The following ZNF717 variants were observed in gnomAD, a reference collection of about 807,000 sequenced individuals.
ZNF717 encodes zinc finger protein 717.
A neutral mutation model predicts 13.8 loss-of-function variants in ZNF717; 9 were observed. The observed-to-expected ratio is 0.65, with a 90% CI of 0.39 to 1.14. The LOEUF is 1.14. Among genes scored for constraint, ZNF717 ranks in the 50% most tolerant of loss-of-function variants. ZNF717 has a pLI of 0.01. For synonymous variants in ZNF717, 327 were observed against 364.1 expected (o/e 0.90, Z 1.16); for missense variants, 1,040 against 1,080.7 (o/e 0.96, Z 0.53).
At chr3:75,696,087 A>G (rs1446209569) in intron 6 of ZNF717, among the ~76,000 whole-genome samples, 3 of 152,258 alleles carry the variant, frequency 2.0e-5, no homozygotes, top group Non-Finnish European at 2.9e-5. Flanking sequence ...ACTGAAAAAC[A>G]GAGAAGATAC....
chr3:75,730,910 T>C (rs1306420216), downstream of ZNF717, among the ~76,000 whole-genome samples: 2 of 152,376 alleles, frequency 1.3e-5, no homozygotes, highest in East Asian at 3.9e-4. Context: ...AGATAAGTCT[T>C]AGAAACAGAT....
chr3:75,706,756 G>A (rs1937810890), downstream of ZNF717, among the ~76,000 whole-genome samples: 1 of 152,310 alleles, frequency 6.6e-6, no homozygotes, highest in African/African-American at 2.4e-5. Context: ...GGAGACTCAG[G>A]TGACTCTTGA....
In ZNF717 at chr3:75,736,277, A is replaced by T. The variant is rs1939192751; in HGVS notation, c.*601T>A. The T allele has an allele frequency of 6.6e-6, 1 of 152,662 alleles. No homozygotes were observed. The highest frequency in any genetic ancestry group is 1.5e-5 in the Non-Finnish European group (1 of 68,378). The allele number at this position is 152,662 out of a possible 1,614,324, so 9.5% of individuals were successfully genotyped here. A position where few individuals can be genotyped will look rare whatever the true frequency, so the allele number is the denominator to read the frequency against. ...AGTGGCCACCATGTGTTCAATTGAA[A>T]AGAAGTGTGCACACCTGTCACTTCA... On this transcript the variant is annotated 3_prime_UTR_variant, in exon 5 of 5. Transcript: ENST00000652011.
intron 2 of ZNF717, among the ~76,000 whole-genome samples, chr3:75,781,625 G>T (rs1357017985): frequency 4.6e-5 from 7 of 152,038 alleles, no homozygotes; most frequent in Admixed American, 1.3e-4. Flanking sequence ...AACTCCATTT[G>T]GCTCCTTCAT....
chr3:75,701,430 G>A (rs1314933880), intron 6 of ZNF717, among the ~76,000 whole-genome samples: 1 of 152,384 alleles, frequency 6.6e-6, no homozygotes, highest in Admixed American at 6.5e-5. Flanking sequence ...CACCATTTTG[G>A]GAAGCCGAGG....
At chr3:75,712,007 A>G (rs1235662431) in intron 5 of ZNF717, among the ~76,000 whole-genome samples, 1 of 152,284 alleles carries the variant, frequency 6.6e-6, no homozygotes, top group East Asian at 1.9e-4. Flanking sequence ...ATTAATTTCA[A>G]GTTATGTTGG....
At chr3:75,783,267 A>G (rs1486632695) in intron 2 of ZNF717, 39 bp downstream of exon 2, 3 of 1,472,344 alleles carry the variant, frequency 2.0e-6, no homozygotes, top group Non-Finnish European at 2.8e-6. Context: ...CTCAGAAAAT[A>G]CAGTGTAAAA....
chr3:75,755,923 C>T (rs1470191957), intron 2 of ZNF717, among the ~76,000 whole-genome samples: 1 of 152,212 alleles, frequency 6.6e-6, no homozygotes, highest in Non-Finnish European at 1.5e-5. Flanking sequence ...ATGAATGTAC[C>T]AATTCAAAGA....
In ZNF717 at chr3:75,738,283, CCT is replaced by C. The variant is rs761584387; in HGVS notation, c.1338_1339del (p.Glu448LysfsTer4). 2,031 of 1,552,676 alleles carry C rather than the reference CCT, an allele frequency of 1.3e-3. 7 individuals are homozygous for C. Among genetic ancestry groups the C allele is most frequent in the East Asian group, 5.3e-3 (218 of 40,958 alleles). On this transcript the variant is annotated frameshift_variant, in exon 5 of 5. Transcript: ENST00000652011. LOFTEE classifies it low-confidence loss of function (END_TRUNC). ...CTCATTACATTCATACGGTTTTTCC[CCT>C]GTGTGTGTTCTCTGATGGACAGTAA...
chr3:75,711,541 G>T (rs73114905), intron 5 of ZNF717, among the ~76,000 whole-genome samples: 7 of 145,730 alleles, frequency 4.8e-5, no homozygotes, highest in African/African-American at 1.7e-4. Context: ...CACATCTGCA[G>T]TCCCAGCACT....
chr3:75,706,812 T>A, downstream of ZNF717, among the ~76,000 whole-genome samples: 1 of 152,424 alleles, frequency 6.6e-6, no homozygotes, highest in South Asian at 2.1e-4. Context: ...TGGGAGCAGA[T>A]GACTCTGTCC....
At chr3:75,700,368 AG>A (rs201438536) in intron 6 of ZNF717, among the ~76,000 whole-genome samples, 16,160 of 99,848 alleles carry the variant, frequency 0.16, no homozygotes, top group Non-Finnish European at 0.23. Flanking sequence ...ACTCCAGTCT[AG>A]GTGACAGAGT....
Position 75,730,533 on chromosome 3 carries a change from T to A in ZNF717, c.*80A>T, listed in dbSNP as rs1210226423. On this transcript the variant is annotated 3_prime_UTR_variant, in exon 6 of 6. Transcript: ENST00000477374. ...AAGTGATACAGACTTGGACACATCA[T>A]GTTTGAAATATCTGAGGTCCCATAC... is the stretch of plus-strand genomic sequence containing the variant. 1.2e-5 allele frequency: 8 copies of A among 684,500 alleles called. No individual in the cohort carries two copies. The South Asian group carries it at 1.3e-4, about 11-fold the overall frequency. 42.4% of individuals were successfully genotyped at this position (684,500 alleles called of 1,614,324 possible).
downstream of ZNF717, chr3:75,732,105 T>G (rs1376048480): frequency 2.8e-6 from 2 of 702,904 alleles, no homozygotes; most frequent in African/African-American, 1.7e-5. Flanking sequence ...CTGAGAAAAC[T>G]TGCTTCTTGC....
chr3:75,717,697 CAG>C (rs1451483874), intron 4 of ZNF717, among the ~76,000 whole-genome samples: 1 of 152,156 alleles, frequency 6.6e-6, no homozygotes, highest in Non-Finnish European at 1.5e-5. Flanking sequence ...AAAAAGGCTA[CAG>C]AGTCATTCAC....
intron 2 of ZNF717, among the ~76,000 whole-genome samples, chr3:75,773,117 T>C (rs1047508271): frequency 6.6e-6 from 1 of 152,162 alleles, no homozygotes; most frequent in Admixed American, 6.5e-5. Context: ...ATTGGAACGG[T>C]TGTAAAATTT....
At chr3:75,727,021 C>T (rs79431516), downstream of ZNF717, among the ~76,000 whole-genome samples, 8 of 152,320 alleles carry the variant, frequency 5.3e-5, no homozygotes, top group Non-Finnish European at 1.2e-4. Flanking sequence ...AAGTCAGAGA[C>T]CCCAAATGGA....
intron 5 of ZNF717, among the ~76,000 whole-genome samples, chr3:75,713,724 A>G (rs531543363): frequency 6.2e-4 from 95 of 152,240 alleles, no homozygotes; most frequent in African/African-American, 2.2e-3. Context: ...TGTGGAGATG[A>G]GAGATCATAG....
intron 2 of ZNF717, among the ~76,000 whole-genome samples, chr3:75,765,842 C>T (rs1392883304): frequency 4.6e-5 from 7 of 152,224 alleles, no homozygotes; most frequent in Non-Finnish European, 8.8e-5. Context: ...GGCATGGTGG[C>T]TCATGCCTGT....
Sources: allele counts gnomAD v4.1 joint callset (sites outside exome capture counted in the v4.1 genomes callset), GRCh38; gene constraint gnomAD v4.1.1; transcripts MANE v1.5; gene names NCBI Gene and HGNC (gene_info 2026-07-23, HGNC 2026-07-21).